KCNK2: variants seen among roughly 807,000 people sequenced by gnomAD.
KCNK2 encodes the protein potassium channel subfamily K member 2.
In KCNK2, 21 loss-of-function variants were observed where a neutral mutation model predicts 40.5. That is an observed-to-expected ratio of 0.52 (90% confidence interval 0.37 to 0.75). KCNK2 has a LOEUF of 0.75. Ranked by LOEUF, KCNK2 falls within the 30% of genes least tolerant of loss-of-function variation. The pLI, the probability that KCNK2 is intolerant of heterozygous loss-of-function variation, is 0.00. For synonymous variants in KCNK2, 191 were observed against 202.2 expected (o/e 0.94, Z 0.47); for missense variants, 399 against 531.6 (o/e 0.75, Z 2.45).
At chr1:215,090,026 G>T (rs572695624) in intron 2 of KCNK2, among the ~76,000 whole-genome samples, 3 of 151,636 alleles carry the variant, frequency 2.0e-5, no homozygotes, top group Non-Finnish European at 4.4e-5. Context: ...GGGTTTCTCC[G>T]TATTGGTCAG....
upstream of KCNK2, chr1:215,082,183 T>C (rs2102524165): frequency 6.6e-6 from 1 of 152,496 alleles, no homozygotes; most frequent in South Asian, 2.1e-4. Flanking sequence ...GTTCTGCAGA[T>C]TATAGCGCCC....
chr1:215,100,177 G>A (rs968753810), intron 2 of KCNK2, among the ~76,000 whole-genome samples: 1 of 151,808 alleles, frequency 6.6e-6, no homozygotes, highest in African/African-American at 2.4e-5. Flanking sequence ...CCTTAGTAAG[G>A]TTTTGTCCTG....
At position 215,041,248 on chromosome 1, in the gene KCNK2, A is replaced by G. The variant is rs184834605; in HGVS notation, c.34+35293A>G. Among the ~76,000 whole-genome samples, 40 of 152,310 alleles carry G rather than the reference A, an allele frequency of 2.6e-4. No homozygotes were observed. In the East Asian group the frequency reaches 6.4e-3, roughly 24 times the overall value. On this transcript the variant is annotated intron_variant, in intron 1 of 6. Transcript: ENST00000391895. ...TAGAGTAAGTAACTTTTCTTCACTA[A>G]GCCTCAGTTTTCCTGTCTATAAACT...
In KCNK2 at chr1:215,169,456, T is replaced by C. The variant is rs75377440; in HGVS notation, c.636+97T>C. The C allele has an allele frequency of 4.4e-3, 4,041 of 909,910 alleles. 99 individuals carry two copies. In the African/African-American group the frequency reaches 0.046, roughly 10 times the overall value. 56.4% of individuals were successfully genotyped at this position (909,910 alleles called of 1,614,324 possible). The stretch of plus-strand genomic sequence containing the variant: ...ACCTCAGATACAATTAGACATTCAA[T>C]TATTAGGGCTTCCATAACAATTTAT... On this transcript the variant is annotated intron_variant, in intron 4 of 6. Transcript: ENST00000444842.
At chr1:215,077,485 C>G (rs998929464) in intron 1 of KCNK2, among the ~76,000 whole-genome samples, 1 of 152,182 alleles carries the variant, frequency 6.6e-6, no homozygotes, top group African/African-American at 2.4e-5. Context: ...ATTCACTTAT[C>G]TACATGCTTA....
At position 215,067,596 on chromosome 1, in the gene KCNK2, T is replaced by C. The variant is rs1264096285; in HGVS notation, c.35-18772T>C. On this transcript the variant is annotated intron_variant, in intron 1 of 6. Coordinates refer to the KCNK2 transcript ENST00000391895. Reference sequence around the variant, plus strand: ...CATGGCAAAAAAATCATCACACTTGTTGAATTTTTAAAAATTTACTTACTT... The same window carrying C: ...CATGGCAAAAAAATCATCACACTTGCTGAATTTTTAAAAATTTACTTACTT... Among the ~76,000 whole-genome samples the C allele has an allele frequency of 2.0e-5, 3 of 152,156 alleles. 1 individual carries two copies. The highest frequency in any genetic ancestry group is 4.8e-5 in the African/African-American group (2 of 41,438).
chr1:215,156,489 A>C (rs1056749481), intron 3 of KCNK2, among the ~76,000 whole-genome samples: 16 of 152,066 alleles, frequency 1.1e-4, no homozygotes, highest in Admixed American at 2.0e-4. Context: ...CCTACATTTG[A>C]CTCTGTAATG....
chr1:215,031,017 A>G (rs1302070369), intron 1 of KCNK2, among the ~76,000 whole-genome samples: 1 of 151,696 alleles, frequency 6.6e-6, no homozygotes, highest in Non-Finnish European at 1.5e-5. Context: ...TCTCCATTGT[A>G]TTTCCTTTGC....
chr1:215,052,690 A>G (rs2102500598), intron 1 of KCNK2, among the ~76,000 whole-genome samples: 1 of 152,318 alleles, frequency 6.6e-6, no homozygotes, highest in African/African-American at 2.4e-5. Context: ...AAATGTCAGC[A>G]GTGCCAAGGT....
chr1:215,188,480 C>T (rs1664540725), intron 5 of KCNK2, among the ~76,000 whole-genome samples: 1 of 152,118 alleles, frequency 6.6e-6, no homozygotes, highest in Non-Finnish European at 1.5e-5. Context: ...AAACTATTTG[C>T]TTTCCTGTAT....
intron 5 of KCNK2, among the ~76,000 whole-genome samples, chr1:215,180,628 G>T (rs939784704): frequency 2.6e-5 from 4 of 152,000 alleles, no homozygotes; most frequent in African/African-American, 9.7e-5. Flanking sequence ...AGCTTAGGTT[G>T]GTGGAATATA....
chr1:215,128,706 T>C (rs540156164), intron 3 of KCNK2, among the ~76,000 whole-genome samples: 1 of 151,336 alleles, frequency 6.6e-6, no homozygotes, highest in South Asian at 2.1e-4. Context: ...GTCTGTGGCA[T>C]GACTAAGCAA....
chr1:215,019,516 G>A (rs1024237912), intron 1 of KCNK2, among the ~76,000 whole-genome samples: 5 of 152,158 alleles, frequency 3.3e-5, no homozygotes, highest in African/African-American at 9.7e-5. Context: ...CATCTGTTCC[G>A]ACTGGTCAGT....
chr1:215,131,336 T>C (rs1661668250), intron 3 of KCNK2, among the ~76,000 whole-genome samples: 1 of 146,074 alleles, frequency 6.8e-6, no homozygotes, highest in African/African-American at 2.5e-5. Flanking sequence ...TTTATAATTA[T>C]ATAAATATAA....
chr1:215,174,857 G>A (rs1026616790), intron 5 of KCNK2, among the ~76,000 whole-genome samples: 23 of 152,212 alleles, frequency 1.5e-4, no homozygotes, highest in African/African-American at 5.5e-4. Context: ...TCAGCTTAAG[G>A]AAATTTTGGG....
chr1:215,127,608 T>C (rs1270936027), intron 3 of KCNK2, among the ~76,000 whole-genome samples: 1 of 152,316 alleles, frequency 6.6e-6, no homozygotes, highest in Admixed American at 6.5e-5. Context: ...GCCAGCAGCA[T>C]TGCAGAAACC....
chr1:215,061,897 A>G (rs191973576), intron 1 of KCNK2, among the ~76,000 whole-genome samples: 1 of 152,286 alleles, frequency 6.6e-6, no homozygotes, highest in Admixed American at 6.5e-5. Flanking sequence ...TAGGAGGAAT[A>G]AAGAAGGAAT....
At chr1:215,125,393 C>G (rs1661371796) in intron 3 of KCNK2, among the ~76,000 whole-genome samples, 1 of 152,096 alleles carries the variant, frequency 6.6e-6, no homozygotes, top group Admixed American at 6.6e-5. Flanking sequence ...GTTTTTTCAA[C>G]TCACTGACAC....
At chr1:215,037,837 CTTA>C (rs1383752318) in intron 1 of KCNK2, among the ~76,000 whole-genome samples, 1 of 151,494 alleles carries the variant, frequency 6.6e-6, no homozygotes, top group Non-Finnish European at 1.5e-5. Context: ...TGAATATGTC[CTTA>C]TTATCTTTTT....
Sources: gnomAD v4.1 joint callset for allele counts (sites outside exome capture counted in the v4.1 genomes callset) on GRCh38, gnomAD v4.1.1 for gene constraint, MANE v1.5 for transcripts, NCBI Gene and HGNC (gene_info 2026-07-23, HGNC 2026-07-21) for gene names.